CHAF1A: variants seen among roughly 807,000 people sequenced by gnomAD.
The protein encoded by CHAF1A is CAF-1 subunit A.
CHAF1A carries 5 observed loss-of-function variants against 93.2 expected under a neutral mutation model. That is an observed-to-expected ratio of 0.05 (90% CI 0.03 to 0.11). CHAF1A has a LOEUF of 0.11. CHAF1A is among the 10% of genes least tolerant of loss of function. The pLI is 1.00. For synonymous variants in CHAF1A, 504 were observed against 510.3 expected, an observed-to-expected ratio of 0.99 and a Z score of 0.17; for missense variants, 1,102 against 1,259.9, an observed-to-expected ratio of 0.87 and a Z score of 1.90.
chr19:4,417,457 C>CGTT, intron 3 of CHAF1A, among the ~76,000 whole-genome samples: 2 of 103,102 alleles, frequency 1.9e-5, no homozygotes, highest in East Asian at 3.3e-4. Flanking sequence ...CCAGCTGTCG[C>CGTT]TTTTTTTTTT....
At chr19:4,417,969 C>T (rs761751650) in intron 3 of CHAF1A, 51 bp from the exon 4 acceptor site, 19 of 1,338,158 alleles carry the variant, frequency 1.4e-5, no homozygotes, top group South Asian at 1.3e-4. Context: ...CTCTTTTTCT[C>T]GAAGCAATTG....
Position 4,422,308 on chromosome 19 carries a change from G to A in CHAF1A, c.1018-258G>A, listed in dbSNP as rs1402405166. On this transcript the variant is annotated intron_variant, in intron 4 of 14. Transcript: ENST00000301280. This position sits in a 1 kb window ranked among gnomAD's most constrained non-coding sequence, Gnocchi z 4.6. The stretch of plus-strand genomic sequence containing the variant: ...GGATTACAGGCGTGAACCACCGCGC[G>A]CAGCCAATTTTTGTATTTTTAGTAG... Among the ~76,000 whole-genome samples the A allele has an allele frequency of 6.6e-6, 1 of 150,718 alleles. No homozygotes were observed. Among genetic ancestry groups the A allele is most frequent in the African/African-American group, 2.5e-5 (1 of 40,734 alleles).
At chr19:4,417,922 T>C (rs903434003) in intron 3 of CHAF1A, 98 bp from the exon 4 acceptor site, 13 of 771,012 alleles carry the variant, frequency 1.7e-5, no homozygotes, top group Non-Finnish European at 2.8e-5. Context: ...GACATTTTGG[T>C]TCTGTTGGTG....
rs1430043281 is a variant in CHAF1A at position 4,442,329 on chromosome 19, C to T, written c.2758C>T (p.Pro920Ser). ...GGGCGACTGTATGATCGTGGATGTC[C>T]CGGATGCTGCGGGTGAGAAGGGCTG... ...EEGDCMIVDV[P>S]DAAEVQAPCG... The change falls in exon 14 of 15, where the codon CCG (proline) becomes TCG (serine). Residue 920 changes from proline to serine, a missense_variant. Transcript: ENST00000301280. 2.5e-6 allele frequency: 4 copies of T among 1,599,804 alleles called. No individual in the cohort carries two copies. In the Admixed American group the frequency reaches 5.2e-5, roughly 21 times the overall value.
Position 4,428,841 on chromosome 19 carries a change from A to G in CHAF1A, c.1555A>G (p.Arg519Gly). The G allele has an allele frequency of 6.2e-7, 1 of 1,613,880 alleles. No individual in the cohort carries two copies. The highest frequency in any genetic ancestry group is 8.5e-7 in the Non-Finnish European group (1 of 1,180,004). ...AGACCTCAAAGGCCGGCAGCCCCTG[A>G]GGTCCGGACCCACGCACGTTTCCAC... ...LKDLKGRQPL[R>G]SGPTHVSTRN... Residue 519 changes from arginine (R) to glycine (G), a missense_variant, in exon 8 of 15, where the codon AGG becomes GGG. This residue lies in a region of CHAF1A where 165 missense variants were observed against 243.9 expected (regional missense o/e 0.68). Transcript: ENST00000301280.
At chr19:4,405,539 C>T (rs1294388813) in intron 1 of CHAF1A, among the ~76,000 whole-genome samples, 1 of 149,882 alleles carries the variant, frequency 6.7e-6, no homozygotes, top group Admixed American at 6.7e-5. Flanking sequence ...ACCCAGGAGG[C>T]GGAGGTTGCA....
Position 4,402,730 on chromosome 19 carries a change from C to T in CHAF1A, c.-33C>T. The T allele has an allele frequency of 1.7e-6, 2 of 1,194,784 alleles. No homozygotes were observed. Among genetic ancestry groups the T allele is most frequent in the Non-Finnish European group, 2.1e-6 (2 of 962,856 alleles). The allele number at this position is 1,194,784 out of a possible 1,614,324, so 74.0% of individuals were successfully genotyped here. A position where few individuals can be genotyped will look rare whatever the true frequency, so the allele number is the denominator to read the frequency against. ...GCCTGAGGGGAGCCCGCGCCTCCGCCGCCTGAGAGGAGGTCGAGCTGCCGC... is the reference window on the plus strand; with the variant it reads ...GCCTGAGGGGAGCCCGCGCCTCCGCTGCCTGAGAGGAGGTCGAGCTGCCGC... On this transcript the variant is annotated 5_prime_UTR_variant, in exon 1 of 15. Coordinates refer to ENST00000301280, the MANE Select transcript of CHAF1A (RefSeq NM_005483.3).
chr19:4,428,392 G>A (rs977665464), intron 7 of CHAF1A, among the ~76,000 whole-genome samples: 1 of 151,632 alleles, frequency 6.6e-6, no homozygotes, highest in African/African-American at 2.4e-5. Context: ...GACAGGGCCA[G>A]CTAACCATAA....
intron 8 of CHAF1A, 148 bp downstream of exon 8, chr19:4,429,038 G>T: frequency 1.6e-6 from 1 of 640,370 alleles, no homozygotes; most frequent in Non-Finnish European, 2.7e-6. Context: ...GCTGGCTCAG[G>T]CCTCTCTCCA....
chr19:4,424,731 T>A lies in CHAF1A; in HGVS notation c.1377+857T>A, dbSNP rs534606571. 2.2e-4 allele frequency among the ~76,000 whole-genome samples: 34 copies of A among 152,272 alleles called. No homozygotes were observed. In the South Asian group the frequency reaches 5.4e-3, roughly 24 times the overall value. ...CTCACTGCAACGTCCACCTCCCGGG[T>A]TCCAGTGATTCTTCTGTGTCAGCCT... On this transcript the variant is annotated intron_variant, in intron 7 of 14. Coordinates refer to ENST00000301280, the MANE Select transcript of CHAF1A (RefSeq NM_005483.3).
rs565497037 is a variant in CHAF1A, at chr19:4,423,726, C to G, written c.1309-80C>G. ...AAGCTAAAATGCTTGACGTTCGGTTCTGGGGGCCTTTGCATGTTTTGCAAC... is the reference window on the plus strand; with the variant it reads ...AAGCTAAAATGCTTGACGTTCGGTTGTGGGGGCCTTTGCATGTTTTGCAAC... On this transcript the variant is annotated intron_variant, in intron 6 of 14. Transcript: ENST00000301280. The G allele has an allele frequency of 1.0e-4, 139 of 1,384,076 alleles. 3 individuals carry two copies. The South Asian group carries it at 1.6e-3, about 16-fold the overall frequency. 85.7% of individuals were successfully genotyped at this position (1,384,076 alleles called of 1,614,324 possible). A position where few individuals can be genotyped will look rare whatever the true frequency, so the allele number is the denominator to read the frequency against.
At chr19:4,429,888 A>G in intron 10 of CHAF1A, 100 bp downstream of exon 10, 1 of 1,022,354 alleles carries the variant, frequency 9.8e-7, no homozygotes, top group Non-Finnish European at 1.5e-6. Context: ...GTGTTCACTC[A>G]CTGACAGCTG....
chr19:4,423,944 G>A, intron 7 of CHAF1A, 70 bp downstream of exon 7: 1 of 1,427,624 alleles, frequency 7.0e-7, no homozygotes, highest in African/African-American at 1.4e-5. Context: ...AAGTGAAAGG[G>A]TCTCTCCCCA....
intron 2 of CHAF1A, 92 bp from the exon 3 acceptor site, chr19:4,408,810 AC>A: frequency 6.9e-7 from 1 of 1,453,352 alleles, no homozygotes; most frequent in Non-Finnish European, 9.3e-7. Flanking sequence ...ATTATCTCCC[AC>A]CCCCATGTCC....
At chr19:4,403,491 A>G (rs959922133) in intron 1 of CHAF1A, among the ~76,000 whole-genome samples, 2 of 152,250 alleles carry the variant, frequency 1.3e-5, no homozygotes, top group African/African-American at 4.8e-5. Context: ...ACTTGGCATT[A>G]CGCTTTGGCA....
At chr19:4,411,644 C>CTATTTTTTTTT (rs1973801951) in intron 3 of CHAF1A, among the ~76,000 whole-genome samples, 1 of 48,204 alleles carries the variant, frequency 2.1e-5, no homozygotes, top group African/African-American at 7.9e-5. Flanking sequence ...TGGTGCAAAT[C>CTATTTTTTTTT]TTTTTTTTTT....
At chr19:4,439,642 G>T (rs1233675332) in intron 13 of CHAF1A, among the ~76,000 whole-genome samples, 6 of 152,350 alleles carry the variant, frequency 3.9e-5, no homozygotes, top group Non-Finnish European at 7.3e-5. Flanking sequence ...ATGTTCTTTT[G>T]TTTAACGTCC....
At chr19:4,418,394 C>G (rs1469755080) in intron 4 of CHAF1A, among the ~76,000 whole-genome samples, 1 of 150,232 alleles carries the variant, frequency 6.7e-6, no homozygotes, top group East Asian at 2.0e-4. Context: ...AGTCCATTTC[C>G]TTGTAGTCCT....
At chr19:4,439,184 G>A (rs887273677) in intron 13 of CHAF1A, among the ~76,000 whole-genome samples, 3 of 151,602 alleles carry the variant, frequency 2.0e-5, no homozygotes, top group African/African-American at 7.3e-5. Context: ...GGAAGCCGAG[G>A]CAGGAGAATC....
Sources: gnomAD v4.1 joint callset for allele counts (sites outside exome capture counted in the v4.1 genomes callset) on GRCh38, gnomAD v4.1.1 for gene constraint, gnomAD v4.1.1 regional missense constraint, Gnocchi (gnomAD v3.1) non-coding constraint, MANE v1.5 for transcripts, NCBI Gene and HGNC (gene_info 2026-07-23, HGNC 2026-07-21) for gene names.